Variants in AMN1 observed in about 807,000 individuals in gnomAD.
AMN1 encodes antagonist of mitotic exit network 1 homolog, also known as protein AMN1 homolog.
A neutral mutation model predicts 33.0 loss-of-function variants in AMN1; 20 were observed. That is an observed-to-expected ratio of 0.61 (90% CI 0.43 to 0.88). AMN1 has a LOEUF of 0.88. Ranked by LOEUF, AMN1 falls within the 40% of genes least tolerant of loss-of-function variation. The probability of loss-of-function intolerance (pLI) is 0.00; values close to 1 mark genes in which losing one functional copy is unlikely to be tolerated. For missense variants in AMN1, 246 were observed against 307.4 expected, an observed-to-expected ratio of 0.80 and a Z score of 1.49; for synonymous variants, 114 against 111.9, an observed-to-expected ratio of 1.02 and a Z score of -0.12.
intron 1 of AMN1, among the ~76,000 whole-genome samples, chr12:31,717,387 G>C (rs1939718621): frequency 6.6e-6 from 1 of 152,172 alleles, no homozygotes; most frequent in African/African-American, 2.4e-5. Flanking sequence ...TTGCTATTGT[G>C]AATAGTGCTG....
At chr12:31,710,605 G>A (rs1311349978) in intron 1 of AMN1, among the ~76,000 whole-genome samples, 1 of 151,188 alleles carries the variant, frequency 6.6e-6, no homozygotes, top group African/African-American at 2.4e-5. Context: ...CTTGTGTGGG[G>A]GAGGGGTCAT....
chr12:31,720,972 A>G (rs1254583795), intron 1 of AMN1, among the ~76,000 whole-genome samples: 1 of 152,224 alleles, frequency 6.6e-6, no homozygotes, highest in Admixed American at 6.5e-5. Flanking sequence ...GTAGTGGCTC[A>G]TATCTATAAT....
intron 5 of AMN1, among the ~76,000 whole-genome samples, chr12:31,696,028 A>G (rs1037304286): frequency 6.6e-6 from 1 of 151,622 alleles, no homozygotes; most frequent in African/African-American, 2.4e-5. Context: ...GGATCACCTG[A>G]GGTCAGAAGT....
At chr12:31,695,483 C>CTTTT (rs1282841782) in intron 5 of AMN1, among the ~76,000 whole-genome samples, 4 of 67,626 alleles carry the variant, frequency 5.9e-5, no homozygotes, top group East Asian at 8.7e-4. Flanking sequence ...TTCTTTCTTT[C>CTTTT]TTTCTTTTTT....
rs564124621 is a variant in AMN1 at position 31,697,270 on chromosome 12, TA to T, written c.591+90del. ...CAAAGTCCCTAAAATACGTAATTGA[TA>T]AAGCATTGGTTATCCGCTAGGTTTT... On this transcript the variant is annotated intron_variant, in intron 5 of 6. Transcript: ENST00000281471. The T allele has an allele frequency of 7.8e-5, 85 of 1,095,568 alleles. 1 individual carries two copies. The South Asian group carries it at 1.3e-3, about 16-fold the overall frequency. 67.9% of individuals were successfully genotyped at this position (1,095,568 alleles called of 1,614,324 possible).
chr12:31,689,247 A>G, intron 5 of AMN1, 129 bp from the exon 6 acceptor site: 1 of 654,042 alleles, frequency 1.5e-6, no homozygotes, highest in Non-Finnish European at 2.6e-6. Context: ...GTATATAGAA[A>G]AGACCAATAT....
At chr12:31,685,805 A>AAAAAAAAC (rs1266481379) in intron 6 of AMN1, among the ~76,000 whole-genome samples, 2 of 149,564 alleles carry the variant, frequency 1.3e-5, no homozygotes, top group East Asian at 3.9e-4. Flanking sequence ...ATTATCAAAA[A>AAAAAAAAC]AAAAAGAAAG....
intron 1 of AMN1, among the ~76,000 whole-genome samples, chr12:31,723,556 C>T (rs1001666577): frequency 1.3e-5 from 2 of 152,100 alleles, no homozygotes; most frequent in African/African-American, 2.4e-5. Context: ...GTGATCCACC[C>T]GCCTCGGCCT....
chr12:31,709,356 T>G lies in AMN1; in HGVS notation c.108A>C (p.Ile36=). ...TCATTATTTTAATCAGTCTGTCTTT[T>G]ATGTTGGGAGGCAAAGGCTTAATGT... ...LTDIKPLPPN[I]KDRLIKIMSM... The change falls in exon 2 of 7, where the codon ATA becomes ATC. Residue 36 remains isoleucine, a synonymous_variant. Transcript: ENST00000281471. 1 of 1,613,970 alleles carries G rather than the reference T, an allele frequency of 6.2e-7. No individual in the cohort carries two copies. Among genetic ancestry groups the G allele is most frequent in the Non-Finnish European group, 8.5e-7 (1 of 1,179,854 alleles).
At chr12:31,684,402 T>G (rs1187982399) in intron 6 of AMN1, among the ~76,000 whole-genome samples, 1 of 152,216 alleles carries the variant, frequency 6.6e-6, no homozygotes, top group South Asian at 2.1e-4. Context: ...CTATTAAAAT[T>G]TATCTGTTTT....
chr12:31,710,041 C>T (rs1036479958), intron 1 of AMN1, among the ~76,000 whole-genome samples: 26 of 152,246 alleles, frequency 1.7e-4, no homozygotes, highest in Admixed American at 1.2e-3. Context: ...CCTAAATAAG[C>T]TTTATATTGG....
intron 6 of AMN1, chr12:31,673,669 T>C: frequency 2.3e-6 from 1 of 426,534 alleles, no homozygotes; most frequent in Middle Eastern, 3.4e-4. Context: ...AGACATCACA[T>C]GAAAAAGAAA....
At chr12:31,676,824 T>A (rs1173929835) in intron 6 of AMN1, among the ~76,000 whole-genome samples, 25 of 151,832 alleles carry the variant, frequency 1.6e-4, no homozygotes, top group Admixed American at 1.0e-3. Context: ...TAATTAAAAA[T>A]TTTTGATGCC....
At chr12:31,675,130 A>G (rs2139648098) in intron 6 of AMN1, among the ~76,000 whole-genome samples, 2 of 151,990 alleles carry the variant, frequency 1.3e-5, no homozygotes, top group South Asian at 4.1e-4. Context: ...TGAAAAACCC[A>G]TAGATGGCAG....
At chr12:31,715,361 C>A in intron 1 of AMN1, 1 of 217,742 alleles carries the variant, frequency 4.6e-6, no homozygotes, top group Non-Finnish European at 1.0e-5. Context: ...AGCCTCATCA[C>A]CAGGATCTCT....
chr12:31,704,257 T>A (rs1455362597), intron 2 of AMN1, among the ~76,000 whole-genome samples: 2 of 152,152 alleles, frequency 1.3e-5, no homozygotes, highest in Non-Finnish European at 2.9e-5. Context: ...TTTTTTAAAG[T>A]CTCTGCCAAA....
At chr12:31,674,049 C>T (rs1951336027) in intron 6 of AMN1, among the ~76,000 whole-genome samples, 1 of 151,410 alleles carries the variant, frequency 6.6e-6, no homozygotes, top group Non-Finnish European at 1.5e-5. Flanking sequence ...GGGGAATCTA[C>T]TTCCTTTACT....
chr12:31,711,623 A>C (rs1939470359), intron 1 of AMN1, among the ~76,000 whole-genome samples: 1 of 152,108 alleles, frequency 6.6e-6, no homozygotes, highest in South Asian at 2.1e-4. Flanking sequence ...TTCAGGGTAC[A>C]TGTGATAATT....
In AMN1 at chr12:31,701,977, G is replaced by C; in HGVS notation, c.202C>G (p.Leu68Val). 3 of 1,605,172 alleles carry C rather than the reference G, an allele frequency of 1.9e-6. No homozygotes were observed. Among genetic ancestry groups the C allele is most frequent in the Non-Finnish European group, 2.5e-6 (3 of 1,177,610 alleles). Residue 68 changes from leucine to valine, a missense_variant, in exon 3 of 7, where the codon CTA becomes GTA. Transcript: ENST00000281471. ...ILHPEVQTLD[L>V]RSCDISDAAL... ...GCATCTGATATATCGCAGCTCCGTA[G>C]ATCTAGAGTTTGGACTTCAGGATGT... is the stretch of plus-strand genomic sequence containing the variant.
Sources: gnomAD v4.1 joint callset for allele counts (sites outside exome capture counted in the v4.1 genomes callset) on GRCh38, gnomAD v4.1.1 for gene constraint, MANE v1.5 for transcripts, NCBI Gene and HGNC (gene_info 2026-07-23, HGNC 2026-07-21) for gene names.